The following KCTD16 variants were observed in gnomAD, a reference collection of about 807,000 sequenced individuals.
The protein encoded by KCTD16 is BTB/POZ domain-containing protein KCTD16.
KCTD16 carries 13 observed loss-of-function variants against 33.2 expected under a neutral mutation model. The observed-to-expected ratio is 0.39, with a 90% CI of 0.25 to 0.62. The LOEUF is 0.62. Among genes scored for constraint, KCTD16 ranks in the 20% least tolerant of loss-of-function variants. The pLI is 0.50. For missense variants in KCTD16, 441 were observed against 525.1 expected, an observed-to-expected ratio of 0.84 and a Z score of 1.57; for synonymous variants, 197 against 195.3, an observed-to-expected ratio of 1.01 and a Z score of -0.07.
chr5:144,452,914 G>A (rs1753978475), intron 3 of KCTD16, among the ~76,000 whole-genome samples: 1 of 152,136 alleles, frequency 6.6e-6, no homozygotes, highest in South Asian at 2.1e-4. Context: ...TATTATTTGA[G>A]AAACAATACG....
At chr5:144,177,055 G>T (rs10476858) in intron 2 of KCTD16, among the ~76,000 whole-genome samples, 34,397 of 151,882 alleles carry the variant, frequency 0.23, 4,046 homozygotes, top group East Asian at 0.41. Context: ...TCAATTTTTT[G>T]TTGTTGTTGT....
rs116462551 is a variant in KCTD16 at position 144,297,010 on chromosome 5, G to T, written c.832+89464G>T. On this transcript the variant is annotated intron_variant, in intron 3 of 3. Coordinates refer to ENST00000512467, the MANE Select transcript of KCTD16 (RefSeq NM_020768.4). Reference sequence around the variant, plus strand: ...GCTCATGTCCTGAACTTTGAAACCTGATTTCTGTAACTTATATGGTTTCAG... The same window carrying T: ...GCTCATGTCCTGAACTTTGAAACCTTATTTCTGTAACTTATATGGTTTCAG... 9.8e-3 allele frequency among the ~76,000 whole-genome samples: 1,493 copies of T among 152,242 alleles called. 22 individuals are homozygous for T. Among genetic ancestry groups the T allele is most frequent in the African/African-American group, 0.034 (1,403 of 41,540 alleles).
intron 2 of KCTD16, among the ~76,000 whole-genome samples, chr5:144,188,320 G>T (rs114085810): frequency 6.6e-6 from 1 of 152,148 alleles, no homozygotes; most frequent in South Asian, 2.1e-4. Flanking sequence ...CATTAAGGCC[G>T]CATTCTCATC....
At chr5:144,291,646 T>G (rs1263088944) in intron 3 of KCTD16, among the ~76,000 whole-genome samples, 2 of 152,162 alleles carry the variant, frequency 1.3e-5, no homozygotes, top group Admixed American at 1.3e-4. Flanking sequence ...GGAGGAAAGT[T>G]TTGTCTACTT....
chr5:144,390,290 G>A (rs537551689), intron 3 of KCTD16, among the ~76,000 whole-genome samples: 10 of 152,278 alleles, frequency 6.6e-5, no homozygotes, highest in Non-Finnish European at 1.2e-4. Context: ...ACAAGGAGAA[G>A]TGTGCACAGG....
At chr5:144,330,401 G>A (rs1192749464) in intron 3 of KCTD16, among the ~76,000 whole-genome samples, 10 of 97,508 alleles carry the variant, frequency 1.0e-4, no homozygotes, top group East Asian at 9.2e-4. Context: ...CAACAAGAGC[G>A]AAACTCCATC....
intron 3 of KCTD16, among the ~76,000 whole-genome samples, chr5:144,410,170 G>C (rs569434584): frequency 1.3e-5 from 2 of 152,212 alleles, no homozygotes; most frequent in Non-Finnish European, 2.9e-5. Context: ...AAGCTTTGCT[G>C]TGCATGGGCT....
intron 3 of KCTD16, among the ~76,000 whole-genome samples, chr5:144,329,062 G>T (rs932455083): frequency 6.6e-6 from 1 of 151,996 alleles, no homozygotes. Context: ...GCTTTTCAAG[G>T]CAAACTTATT....
intron 3 of KCTD16, among the ~76,000 whole-genome samples, chr5:144,390,704 G>A (rs1326971735): frequency 2.6e-5 from 4 of 151,846 alleles, no homozygotes; most frequent in African/African-American, 4.8e-5. Flanking sequence ...GGGCCCCGGT[G>A]TGTGATGTTC....
intron 3 of KCTD16, among the ~76,000 whole-genome samples, chr5:144,313,312 A>G (rs1751813984): frequency 6.6e-6 from 1 of 152,196 alleles, no homozygotes; most frequent in Non-Finnish European, 1.5e-5. Flanking sequence ...ATAACCAGCC[A>G]TTCACAAAGA....
chr5:144,451,051 G>T lies in KCTD16; in HGVS notation c.833-22609G>T, dbSNP rs567634492. On this transcript the variant is annotated intron_variant, in intron 3 of 3. Coordinates refer to ENST00000512467, the MANE Select transcript of KCTD16 (RefSeq NM_020768.4). Reference sequence around the variant, plus strand: ...GTTCACTATCTTGCTTGTGGTTTGTGGTAGCATACGTTAAATATGCACAGC... The same window carrying T: ...GTTCACTATCTTGCTTGTGGTTTGTTGTAGCATACGTTAAATATGCACAGC... Among the ~76,000 whole-genome samples the T allele has an allele frequency of 3.3e-5, 5 of 152,094 alleles. No individual in the cohort carries two copies. The South Asian group carries it at 1.0e-3, about 32-fold the overall frequency.
intron 3 of KCTD16, among the ~76,000 whole-genome samples, chr5:144,314,539 A>G (rs1288209755): frequency 6.6e-6 from 1 of 152,144 alleles, no homozygotes; most frequent in Non-Finnish European, 1.5e-5. Flanking sequence ...ACAAACGCAG[A>G]GAGTGTCCTG....
At chr5:144,173,817 G>A (rs895091428) in intron 1 of KCTD16, among the ~76,000 whole-genome samples, 18 of 151,908 alleles carry the variant, frequency 1.2e-4, no homozygotes, top group African/African-American at 4.1e-4. Flanking sequence ...TGAAATGTAA[G>A]CCAAGGTATC....
At chr5:144,232,898 T>C (rs1413501178) in intron 3 of KCTD16, among the ~76,000 whole-genome samples, 1 of 152,178 alleles carries the variant, frequency 6.6e-6, no homozygotes, top group Non-Finnish European at 1.5e-5. Context: ...GAGTCACACC[T>C]ACCATATTTC....
At chr5:144,238,305 G>A (rs1754309506) in intron 3 of KCTD16, among the ~76,000 whole-genome samples, 1 of 152,114 alleles carries the variant, frequency 6.6e-6, no homozygotes, top group African/African-American at 2.4e-5. Context: ...ATAGGTTTCT[G>A]TTGTCCTCTT....
At chr5:144,385,478 G>A (rs1371158831) in intron 3 of KCTD16, among the ~76,000 whole-genome samples, 1 of 152,158 alleles carries the variant, frequency 6.6e-6, no homozygotes, top group African/African-American at 2.4e-5. Context: ...TTCATTGACA[G>A]TGGGTGGAAG....
At chr5:144,336,471 T>C (rs1752497266) in intron 3 of KCTD16, among the ~76,000 whole-genome samples, 1 of 152,202 alleles carries the variant, frequency 6.6e-6, no homozygotes, top group South Asian at 2.1e-4. Context: ...TTCCCTCTAA[T>C]GTCATCTTTT....
At position 144,442,450 on chromosome 5, in the gene KCTD16, CTTCTTTCT is replaced by C. The variant is rs138864208; in HGVS notation, c.833-31189_833-31182del. Among the ~76,000 whole-genome samples the C allele has an allele frequency of 5.1e-3, 752 of 147,870 alleles. 8 individuals carry two copies. The highest frequency in any genetic ancestry group is 0.017 in the African/African-American group (684 of 39,774). On this transcript the variant is annotated intron_variant, in intron 3 of 3. Coordinates refer to ENST00000512467, the MANE Select transcript of KCTD16 (RefSeq NM_020768.4). ...TTTTCTTTTCTTTTCTCTTTTCTTT[CTTCTTTCT>C]TTCTTTCTTTCTTTCTTTCTGTCGT...
At chr5:144,213,078 T>C (rs1753448103) in intron 3 of KCTD16, among the ~76,000 whole-genome samples, 1 of 152,112 alleles carries the variant, frequency 6.6e-6, no homozygotes, top group Admixed American at 6.6e-5. Flanking sequence ...CATATACCAT[T>C]ATAACATACA....
Sources: allele counts gnomAD v4.1 joint callset (sites outside exome capture counted in the v4.1 genomes callset), GRCh38; gene constraint gnomAD v4.1.1; transcripts MANE v1.5; gene names NCBI Gene and HGNC (gene_info 2026-07-23, HGNC 2026-07-21).